Variants in KANK1 observed in about 807,000 individuals in gnomAD.
KANK1 encodes KN motif and ankyrin repeat domains 1, also known as KN motif and ankyrin repeat domain-containing protein 1.
Under a neutral mutation model 106.2 loss-of-function variants are expected in KANK1, and 109 were observed. The observed-to-expected ratio is 1.03, with a 90% CI of 0.88 to 1.20. The LOEUF (loss-of-function observed/expected upper bound fraction) is 1.20. Among genes scored for constraint, KANK1 ranks in the 50% most tolerant of loss-of-function variants. The probability of loss-of-function intolerance (pLI) is 0.00; values close to 1 mark genes in which losing one functional copy is unlikely to be tolerated. For missense variants in KANK1, 2,399 were observed against 1,710.7 expected, an observed-to-expected ratio of 1.40 and a Z score of -7.10; for synonymous variants, 873 against 652.2, an observed-to-expected ratio of 1.34 and a Z score of -5.16.
At position 711,495 on chromosome 9, in the gene KANK1, C is replaced by G. The variant is rs1554697060; in HGVS notation, c.729C>G (p.Pro243=). ...SSMGSSIRHS[P]LSSGISTPVT... is the part of the protein sequence containing the mutation. ...TGGGGAGCTCCATCCGCCACAGCCCCCTGAGCTCAGGGATCTCCACCCCAG... is the reference window on the plus strand; with the variant it reads ...TGGGGAGCTCCATCCGCCACAGCCCGCTGAGCTCAGGGATCTCCACCCCAG... Residue 243 remains proline, a synonymous_variant, in exon 3 of 12, where the codon CCC becomes CCG. Transcript: ENST00000382297. The G allele has an allele frequency of 2.5e-6, 4 of 1,614,152 alleles. No individual in the cohort carries two copies. The Admixed American group carries it at 5.0e-5, about 20-fold the overall frequency.
Position 512,355 on chromosome 9 carries a change from A to G in KANK1, c.-84+7601A>G, listed in dbSNP as rs897830198. Among the ~76,000 whole-genome samples, 3 of 152,150 alleles carry G rather than the reference A, an allele frequency of 2.0e-5. No homozygotes were observed. The East Asian group carries it at 5.8e-4, about 29-fold the overall frequency. ...CATTGTGGGCCAACAGATGGAGACA[A>G]GGAGAGTCTAGAAGAAGACTGAAGG... On this transcript the variant is annotated intron_variant, in intron 1 of 11. Transcript: ENST00000382297.
chr9:649,901 C>T (rs554448609), intron 1 of KANK1, among the ~76,000 whole-genome samples: 1 of 152,286 alleles, frequency 6.6e-6, no homozygotes, highest in Admixed American at 6.5e-5. Flanking sequence ...TACATTGCAG[C>T]TTCTCTGCGT....
intron 1 of KANK1, among the ~76,000 whole-genome samples, chr9:600,492 T>C (rs1278053409): frequency 6.6e-6 from 1 of 151,870 alleles, no homozygotes; most frequent in Non-Finnish European, 1.5e-5. Context: ...TGTGGTAACA[T>C]ACGTAATAAT....
chr9:530,084 A>G (rs1011413990), intron 1 of KANK1, among the ~76,000 whole-genome samples: 3 of 152,172 alleles, frequency 2.0e-5, no homozygotes, highest in African/African-American at 7.2e-5. Context: ...GTTTCTGCGA[A>G]CTGTTCATAT....
At chr9:522,075 T>A (rs1333895993) in intron 1 of KANK1, among the ~76,000 whole-genome samples, 1 of 151,684 alleles carries the variant, frequency 6.6e-6, no homozygotes, top group Non-Finnish European at 1.5e-5. Flanking sequence ...AAATGTTTGA[T>A]TTGTTGAATA....
In KANK1 at chr9:713,477, C is replaced by G; in HGVS notation, c.2698+13C>G. The stretch of plus-strand genomic sequence containing the variant: ...GGTAAAATCACAGGTAGGTGGTACC[C>G]TGAGGACCTGGGAATGAGGAAGGAT... On this transcript the variant is annotated intron_variant, in intron 3 of 11. Transcript: ENST00000382297. 1 of 1,538,780 alleles carries G rather than the reference C, an allele frequency of 6.5e-7. No homozygotes were observed. The highest frequency in any genetic ancestry group is 8.7e-7 in the Non-Finnish European group (1 of 1,146,046).
chr9:594,298 T>A (rs745646287), intron 1 of KANK1, among the ~76,000 whole-genome samples: 1 of 151,778 alleles, frequency 6.6e-6, no homozygotes, highest in African/African-American at 2.4e-5. Flanking sequence ...AGGCAGGAGG[T>A]GGAGAAAGGC....
In KANK1 at chr9:657,655, C is replaced by A. The variant is rs117468008; in HGVS notation, c.-83-19235C>A. 5.0e-4 allele frequency among the ~76,000 whole-genome samples: 76 copies of A among 152,140 alleles called. No individual in the cohort carries two copies. The East Asian group carries it at 0.014, about 27-fold the overall frequency. On this transcript the variant is annotated intron_variant, in intron 1 of 11. Coordinates refer to ENST00000382297, the MANE Select transcript of KANK1 (RefSeq NM_015158.5). ...TGCCTTTTTAAACTCCAAATTCAGT[C>A]TCTGGTTACAGCTTTTCCCATAACC...
At position 698,423 on chromosome 9, in the gene KANK1, A is replaced by C. The variant is rs545713465; in HGVS notation, c.38-12381A>C. Among the ~76,000 whole-genome samples, 8 of 152,326 alleles carry C rather than the reference A, an allele frequency of 5.3e-5. No individual in the cohort carries two copies. In the South Asian group the frequency reaches 1.5e-3, roughly 28 times the overall value. ...GATTTCTCATACTTCAGTGACCTTC[A>C]GAAAAGGAATCCCATCACTTTTCTC... On this transcript the variant is annotated intron_variant, in intron 2 of 11. Transcript: ENST00000382297.
intron 2 of KANK1, among the ~76,000 whole-genome samples, chr9:691,611 A>ATTTTTTTTTTTTTTTTTTTTTTTT (rs767618077): frequency 2.8e-5 from 2 of 71,082 alleles, no homozygotes; most frequent in African/African-American, 9.3e-5. Flanking sequence ...TAATACCAGA[A>ATTTTTTTTTTTTTTTTTTTTTTTT]TTTTTTTTTT....
chr9:662,775 C>A (rs1193600194), intron 1 of KANK1, among the ~76,000 whole-genome samples: 1 of 151,286 alleles, frequency 6.6e-6, no homozygotes, highest in South Asian at 2.1e-4. Context: ...GATTCTCCTG[C>A]CTCAGTCTCC....
chr9:474,174 T>G (rs1011703164), intron 3 of KANK1, among the ~76,000 whole-genome samples: 2 of 152,248 alleles, frequency 1.3e-5, no homozygotes, highest in African/African-American at 4.8e-5. Context: ...CCTGCCTATC[T>G]GTCTGCCCAT....
At chr9:629,951 A>G (rs774516765) in intron 1 of KANK1, among the ~76,000 whole-genome samples, 1 of 152,302 alleles carries the variant, frequency 6.6e-6, no homozygotes, top group South Asian at 2.1e-4. Context: ...AGGGAATAAT[A>G]AGAATAAAAG....
intron 2 of KANK1, among the ~76,000 whole-genome samples, chr9:683,217 C>T (rs1006634723): frequency 1.7e-4 from 26 of 152,256 alleles, no homozygotes; most frequent in South Asian, 6.2e-4. Context: ...GGGTACCCTC[C>T]GTGACTTTTC....
intron 3 of KANK1, among the ~76,000 whole-genome samples, chr9:717,212 G>A (rs1428735762): frequency 6.6e-6 from 1 of 151,488 alleles, no homozygotes; most frequent in Non-Finnish European, 1.5e-5. Flanking sequence ...CGGCGCCCTA[G>A]AGGTGGAGGC....
At position 711,440 on chromosome 9, in the gene KANK1, A is replaced by G. The variant is rs1217128856; in HGVS notation, c.674A>G (p.Tyr225Cys). 2.5e-6 allele frequency: 4 copies of G among 1,614,130 alleles called. No individual in the cohort carries two copies. In the Admixed American group the frequency reaches 5.0e-5, roughly 20 times the overall value. Residue 225 changes from tyrosine to cysteine, a missense_variant, in exon 3 of 12, where the codon TAT (tyrosine) becomes TGT (cysteine). By Grantham distance (194) the Tyr-to-Cys change is radical (BLOSUM62 -2). Transcript: ENST00000382297. ...CAAGGTAATGGGGATTATGGTAGCT[A>G]TGCCCCAGCTGCTCCCACCACTTCC... ...GYQGNGDYGS[Y>C]APAAPTTSSM... is the part of the protein sequence containing the mutation.
intron 2 of KANK1, among the ~76,000 whole-genome samples, chr9:690,107 G>A (rs1819512870): frequency 8.1e-6 from 1 of 122,996 alleles, no homozygotes; most frequent in African/African-American, 3.0e-5. Flanking sequence ...GGCCAACATG[G>A]TGAAACCCCA....
In KANK1 at chr9:516,722, G is replaced by A. The variant is rs575276487; in HGVS notation, c.-84+11968G>A. Among the ~76,000 whole-genome samples, 84 of 151,696 alleles carry A rather than the reference G, an allele frequency of 5.5e-4. 1 individual carries two copies. Among genetic ancestry groups the A allele is most frequent in the African/African-American group, 2.0e-3 (81 of 41,036 alleles). The stretch of plus-strand genomic sequence containing the variant: ...GGAGTTACTAGGTTATACTTCATAG[G>A]CATTCAAAAATACTTGTTGAATGAA... On this transcript the variant is annotated intron_variant, in intron 1 of 11. Transcript: ENST00000382297.
intron 4 of KANK1, 88 bp from the exon 5 acceptor site, chr9:731,070 T>C: frequency 1.6e-6 from 1 of 621,090 alleles, no homozygotes; most frequent in South Asian, 2.3e-5. Context: ...TACATTTACA[T>C]GCATGAGAAA....
Sources: allele counts gnomAD v4.1 joint callset (sites outside exome capture counted in the v4.1 genomes callset), GRCh38; gene constraint gnomAD v4.1.1; transcripts MANE v1.5; gene names NCBI Gene and HGNC (gene_info 2026-07-23, HGNC 2026-07-21).